GRM4: variants seen among roughly 807,000 people sequenced by gnomAD.
The protein encoded by GRM4 is metabotropic glutamate receptor 4.
Under a neutral mutation model 81.7 loss-of-function variants are expected in GRM4, and 28 were observed. That is an observed-to-expected ratio of 0.34 (90% CI 0.25 to 0.47). The LOEUF is 0.47. Among genes scored for constraint, GRM4 ranks in the 20% least tolerant of loss-of-function variants. The pLI is 1.00. For missense variants in GRM4, 948 were observed against 1,290.0 expected, an observed-to-expected ratio of 0.73 and a Z score of 4.06; for synonymous variants, 488 against 528.8, an observed-to-expected ratio of 0.92 and a Z score of 1.06.
At chr6:34,057,445 G>A (rs752355800) in intron 5 of GRM4, among the ~76,000 whole-genome samples, 2 of 152,176 alleles carry the variant, frequency 1.3e-5, no homozygotes, top group Non-Finnish European at 1.5e-5. Context: ...CACTGGCATC[G>A]AGCAGGAGGT....
At chr6:34,151,374 CTT>C (rs982173629) in intron 1 of GRM4, among the ~76,000 whole-genome samples, 4 of 152,244 alleles carry the variant, frequency 2.6e-5, no homozygotes, top group Non-Finnish European at 5.9e-5. Flanking sequence ...TTTCCAGCCT[CTT>C]TGCCTCGCTG....
intron 2 of GRM4, among the ~76,000 whole-genome samples, chr6:34,127,100 C>A (rs1162534301): frequency 2.0e-5 from 3 of 152,098 alleles, no homozygotes; most frequent in Admixed American, 6.5e-5. Flanking sequence ...CAAAACCAGG[C>A]CAGATTTGGC....
intron 2 of GRM4, among the ~76,000 whole-genome samples, chr6:34,098,391 C>T (rs1036303437): frequency 7.9e-5 from 12 of 152,228 alleles, no homozygotes; most frequent in African/African-American, 1.9e-4. Context: ...AGGCCTCCAG[C>T]TCTGCCCCAC....
intron 6 of GRM4, among the ~76,000 whole-genome samples, chr6:34,046,285 T>C (rs772175637): frequency 6.6e-6 from 1 of 152,172 alleles, no homozygotes; most frequent in Non-Finnish European, 1.5e-5. Context: ...TACACACACA[T>C]GCATGCTCTA....
chr6:34,029,601 G>A (rs140489568), intron 9 of GRM4, among the ~76,000 whole-genome samples: 10 of 152,324 alleles, frequency 6.6e-5, no homozygotes, highest in Non-Finnish European at 1.0e-4. Context: ...AGAAGCCATA[G>A]GGCCTAAAAG....
At chr6:34,155,245 G>A (rs1771127060) in exon 1 of GRM4, 1 of 1,535,270 alleles carries the variant, frequency 6.5e-7, no homozygotes, top group Non-Finnish European at 8.7e-7. Context: ...AAATCCAAAG[G>A]ACCTGGGCGG....
rs538585193 is a variant in GRM4 at position 34,155,054 on chromosome 6, C to T, written c.312+25G>A. 201 of 1,479,080 alleles carry T rather than the reference C, an allele frequency of 1.4e-4. 2 individuals carry two copies. The highest frequency in any genetic ancestry group is 1.3e-3 in the South Asian group (99 of 75,614). 91.6% of individuals were successfully genotyped at this position (1,479,080 alleles called of 1,614,324 possible). ...CCCCGTCCCACGCCCGGGGACACGC[C>T]CGGATTGAGAGGCTTGTTTTTCACC... is the stretch of plus-strand genomic sequence containing the variant. On this transcript the variant is annotated intron_variant, in intron 1 of 8. Transcript: ENST00000374177.
At chr6:34,132,728 G>A (rs535090931) in intron 2 of GRM4, among the ~76,000 whole-genome samples, 7 of 152,286 alleles carry the variant, frequency 4.6e-5, no homozygotes, top group Admixed American at 6.5e-5. Flanking sequence ...TCAGCACCTC[G>A]GTCAGCGCCA....
rs1381921794 is a variant in GRM4 at position 34,036,473 on chromosome 6, G to A, written c.1637C>T (p.Thr546Ile). 6.2e-7 allele frequency: 1 copy of A among 1,613,538 alleles called. No individual in the cohort carries two copies. The highest frequency in any genetic ancestry group is 8.5e-7 in the Non-Finnish European group (1 of 1,179,850). ...MPCCWHCEPCTGYQYQVDRYT... is the reference protein window; with the variant it reads ...MPCCWHCEPCIGYQYQVDRYT... ...GCGGTCCACCTGGTACTGGTACCCT[G>A]TGCAAGGCTCGCAGTGCCAGCAGCA... Residue 546 changes from threonine (T) to isoleucine (I), a missense_variant, in exon 9 of 11, where the codon ACA becomes ATA. Physicochemically the swap from Thr to Ile is moderately conservative, Grantham distance 89. Coordinates refer to ENST00000538487, the MANE Select transcript of GRM4 (RefSeq NM_000841.4). The surrounding 1 kb of genome is among the most constrained non-coding windows in gnomAD (Gnocchi z 9.0).
rs1468332899 is a variant in GRM4 at position 34,044,715 on chromosome 6, CACAT to C, written c.1169-3971_1169-3968del. Among the ~76,000 whole-genome samples the C allele has an allele frequency of 1.8e-3, 234 of 127,684 alleles. 7 individuals are homozygous for C. The highest frequency in any genetic ancestry group is 7.8e-3 in the African/African-American group (220 of 28,052). 83.8% of individuals were successfully genotyped at this position (127,684 alleles called of 152,430 possible). ...ACATACACATATATACAGACACACA[CACAT>C]ACACACACAGACATACATACATACA... is the stretch of plus-strand genomic sequence containing the variant. On this transcript the variant is annotated intron_variant, in intron 6 of 10. Coordinates refer to ENST00000538487, the MANE Select transcript of GRM4 (RefSeq NM_000841.4).
At chr6:34,082,046 C>T (rs566651798) in intron 3 of GRM4, among the ~76,000 whole-genome samples, 1 of 151,424 alleles carries the variant, frequency 6.6e-6, no homozygotes, top group South Asian at 2.1e-4. Context: ...GGGACAGATC[C>T]CTGTCCAATG....
intron 2 of GRM4, chr6:34,102,134 G>A (rs764803005): frequency 2.7e-5 from 42 of 1,535,368 alleles, no homozygotes; most frequent in East Asian, 7.3e-5. Context: ...GCAGCCAGCC[G>A]GAAGGACTGG....
At chr6:34,044,007 C>T (rs1465474242) in intron 6 of GRM4, among the ~76,000 whole-genome samples, 2 of 151,954 alleles carry the variant, frequency 1.3e-5, no homozygotes, top group African/African-American at 4.8e-5. Flanking sequence ...AGTGACCAGA[C>T]CAGGAGGATG....
intron 4 of GRM4, chr6:34,061,603 C>T (rs1297053071): frequency 9.0e-6 from 3 of 333,984 alleles, no homozygotes; most frequent in Admixed American, 4.3e-5. Context: ...CTAAGTGGTC[C>T]GGCCCCAAGC....
intron 6 of GRM4, among the ~76,000 whole-genome samples, chr6:34,043,148 G>C (rs1360501515): frequency 2.0e-5 from 3 of 152,198 alleles, no homozygotes; most frequent in African/African-American, 2.4e-5. Context: ...CCAGCTTCTA[G>C]ACCCCACCCC....
At chr6:34,151,630 G>A (rs1581747338) in intron 1 of GRM4, among the ~76,000 whole-genome samples, 1 of 152,304 alleles carries the variant, frequency 6.6e-6, no homozygotes, top group South Asian at 2.1e-4. Flanking sequence ...CCTGGGAGGA[G>A]ACCTGCAGGA....
At chr6:34,117,452 G>A (rs1446009752) in intron 2 of GRM4, among the ~76,000 whole-genome samples, 1 of 152,194 alleles carries the variant, frequency 6.6e-6, no homozygotes, top group East Asian at 1.9e-4. Context: ...CCATGGTGAA[G>A]TATACTTGTG....
chr6:34,043,026 G>T (rs7772059), intron 6 of GRM4, among the ~76,000 whole-genome samples: 6 of 151,848 alleles, frequency 4.0e-5, no homozygotes, highest in South Asian at 2.1e-4. Flanking sequence ...ACAACACTAG[G>T]GACACCAGGA....
chr6:34,128,067 T>A (rs1402602547), intron 2 of GRM4, among the ~76,000 whole-genome samples: 2 of 152,178 alleles, frequency 1.3e-5, no homozygotes, highest in Admixed American at 6.5e-5. Context: ...CCCCTTCCCA[T>A]GCCCCATTTC....
Sources: allele counts gnomAD v4.1 joint callset (sites outside exome capture counted in the v4.1 genomes callset), GRCh38; gene constraint gnomAD v4.1.1; non-coding constraint Gnocchi (gnomAD v3.1); transcripts MANE v1.5; gene names NCBI Gene and HGNC (gene_info 2026-07-23, HGNC 2026-07-21).